The following TOP2A variants were observed in gnomAD, a reference collection of about 807,000 sequenced individuals.
The protein encoded by TOP2A is DNA topoisomerase II alpha, also known as DNA topoisomerase 2-alpha.
A neutral mutation model predicts 187.2 loss-of-function variants in TOP2A; 68 were observed. The observed-to-expected ratio is 0.36, with a 90% CI of 0.30 to 0.44. TOP2A has a LOEUF of 0.44. Among genes scored for constraint, TOP2A ranks in the 20% least tolerant of loss-of-function variants. TOP2A has a pLI of 1.00. For synonymous variants in TOP2A, 542 were observed against 593.2 expected, an observed-to-expected ratio of 0.91 and a Z score of 1.25; for missense variants, 1,196 against 1,808.7, an observed-to-expected ratio of 0.66 and a Z score of 6.14.
Position 40,389,589 on chromosome 17 carries a change from C to A in TOP2A, c.4526G>T (p.Arg1509Leu), listed in dbSNP as rs560441128. 11 of 1,605,858 alleles carry A rather than the reference C, an allele frequency of 6.8e-6. No individual in the cohort carries two copies. The Admixed American group carries it at 1.9e-4, about 27-fold the overall frequency. ...HMDFDSAVAP[R>L]AKSVRAKKPI... ...TTTCTTTGCCCGTACAGATTTTGCC[C>A]GAGGAGCCACAGCTGAGTCAAAGTC... Residue 1509 changes from arginine (R) to leucine (L), a missense_variant, in exon 35 of 35, where the codon CGG (arginine) becomes CTG (leucine). Physicochemically the swap from Arg to Leu is moderately radical, Grantham distance 102. Transcript: ENST00000423485.
intron 29 of TOP2A, among the ~76,000 whole-genome samples, chr17:40,394,065 CAAA>C (rs34089833): frequency 1.8e-4 from 20 of 108,588 alleles, no homozygotes; most frequent in Admixed American, 1.9e-4. Flanking sequence ...AACTCTGCCT[CAAA>C]AAAAAAAAAA....
Position 40,400,965 on chromosome 17 carries a change from A to G in TOP2A, c.2549T>C (p.Ile850Thr), listed in dbSNP as rs776743759. The G allele has an allele frequency of 5.0e-6, 8 of 1,613,978 alleles. No individual in the cohort carries two copies. The highest frequency in any genetic ancestry group is 5.9e-6 in the Non-Finnish European group (7 of 1,179,888). The change falls in exon 21 of 35, where the codon ATA becomes ACA. Residue 850 changes from isoleucine to threonine, a missense_variant. By Grantham distance (89) the Ile-to-Thr change is moderately conservative. Around this residue, in one of 10 missense-constraint regions of TOP2A, gnomAD observed 209 missense variants for 376.9 expected, o/e 0.55. Coordinates refer to ENST00000423485, the MANE Select transcript of TOP2A (RefSeq NM_001067.4). The stretch of plus-strand genomic sequence containing the variant: ...AGTACCGATTCCTTCAGCACCATTT[A>G]TCAGCACCATGGGAATAATAGGAAT... ...WYIPIIPMVL[I>T]NGAEGIGTGW...
intron 12 of TOP2A, 67 bp downstream of exon 12, chr17:40,407,900 T>G (rs1421022572): frequency 2.1e-6 from 3 of 1,457,342 alleles, no homozygotes; most frequent in Non-Finnish European, 2.8e-6. Flanking sequence ...ATGAGGGAAT[T>G]AAATATAAGC....
chr17:40,411,005 T>TG lies in TOP2A; in HGVS notation c.1203+103dup. 2.5e-6 allele frequency: 3 copies of TG among 1,211,182 alleles called. No individual in the cohort carries two copies. Among genetic ancestry groups the TG allele is most frequent in the Non-Finnish European group, 3.3e-6 (3 of 896,864 alleles). 75.0% of individuals were successfully genotyped at this position (1,211,182 alleles called of 1,614,324 possible). A position where few individuals can be genotyped will look rare whatever the true frequency, so the allele number is the denominator to read the frequency against. Reference sequence around the variant, plus strand: ...ACTTCCTTTTCAGATTGGGAAGACTTGGAGAAGCTCACTATGAGAAGAATC... The same window carrying TG: ...ACTTCCTTTTCAGATTGGGAAGACTTGGGAGAAGCTCACTATGAGAAGAATC... On this transcript the variant is annotated intron_variant, in intron 10 of 34. Transcript: ENST00000423485. The surrounding 1 kb of genome is among the most constrained non-coding windows in gnomAD (Gnocchi z 4.4).
At chr17:40,406,767 T>C (rs2035250992) in intron 14 of TOP2A, 65 bp downstream of exon 14, 1 of 1,569,962 alleles carries the variant, frequency 6.4e-7, no homozygotes, top group Non-Finnish European at 8.8e-7. Flanking sequence ...GGGGCTTATA[T>C]GTATATCCAG....
intron 27 of TOP2A, among the ~76,000 whole-genome samples, chr17:40,397,989 G>A (rs1218139732): frequency 6.6e-6 from 1 of 151,888 alleles, no homozygotes; most frequent in Non-Finnish European, 1.5e-5. Context: ...TGTTGGTCAG[G>A]CTGGTCTCGA....
chr17:40,395,590 G>A, intron 28 of TOP2A, 51 bp from the exon 29 acceptor site: 2 of 1,343,380 alleles, frequency 1.5e-6, no homozygotes, highest in South Asian at 2.5e-5. Context: ...CTGAACTATG[G>A]GATTAGAGAT....
In TOP2A at chr17:40,399,082, A is replaced by G. The variant is rs749241653; in HGVS notation, c.3246T>C (p.Tyr1082=). 11 of 1,586,916 alleles carry G rather than the reference A, an allele frequency of 6.9e-6. No individual in the cohort carries two copies. The highest frequency in any genetic ancestry group is 1.3e-5 in the African/African-American group (1 of 74,452). The change falls in exon 25 of 35, where the codon TAT becomes TAC. Residue 1082 remains tyrosine, a synonymous_variant. Coordinates refer to ENST00000423485, the MANE Select transcript of TOP2A (RefSeq NM_001067.4). The part of the protein sequence containing the change: ...ELIKVLIQRG[Y]DSDPVKAWKE... ...TCCAGGCCTTCACAGGATCCGAATC[A>G]TATCCCCTCTGAATCAGAACTTTAA...
At chr17:40,409,194 CAAAAAAAAAA>C (rs35266834) in intron 10 of TOP2A, 8 of 73,578 alleles carry the variant, frequency 1.1e-4, no homozygotes, top group Admixed American at 6.9e-4. Flanking sequence ...AACTCCGTCT[CAAAAAAAAAA>C]AAAAAAAAAA....
At chr17:40,404,097 A>G in intron 19 of TOP2A, 55 bp downstream of exon 19, 1 of 1,594,610 alleles carries the variant, frequency 6.3e-7, no homozygotes, top group Non-Finnish European at 8.5e-7. Flanking sequence ...TTTGAGAATG[A>G]CTCTGCAGGG....
chr17:40,407,766 C>A (rs2143668628), intron 12 of TOP2A, 92 bp from the exon 13 acceptor site: 1 of 1,322,886 alleles, frequency 7.6e-7, no homozygotes. Flanking sequence ...TTTTCTTGAG[C>A]TCCAGTATTT....
At chr17:40,413,036 CAT>C in intron 6 of TOP2A, 65 bp from the exon 7 acceptor site, 2 of 1,418,908 alleles carry the variant, frequency 1.4e-6, no homozygotes, top group Non-Finnish European at 1.9e-6. Context: ...AAGTAAATAA[CAT>C]AAATTTATGA....
chr17:40,389,724 A>T, intron 34 of TOP2A, 77 bp from the exon 35 acceptor site: 2 of 1,511,572 alleles, frequency 1.3e-6, no homozygotes, highest in Non-Finnish European at 8.9e-7. Flanking sequence ...ATGTATCAAG[A>T]CACTATATTC....
chr17:40,409,587 C>T (rs796953052), intron 10 of TOP2A: 21 of 357,600 alleles, frequency 5.9e-5, no homozygotes, highest in Middle Eastern at 7.8e-4. Context: ...GGTAAAACCC[C>T]ATCTCTATTA....
chr17:40,414,902 C>T (rs1017344453), intron 4 of TOP2A, among the ~76,000 whole-genome samples: 3 of 150,876 alleles, frequency 2.0e-5, no homozygotes, highest in African/African-American at 4.9e-5. Flanking sequence ...CATAAACTGC[C>T]TTGCTCTCAA....
Position 40,411,302 on chromosome 17 carries a change from C to G in TOP2A, c.1065+52G>C, listed in dbSNP as rs976896400. On this transcript the variant is annotated intron_variant, in intron 9 of 34. Transcript: ENST00000423485. This position sits in a 1 kb window ranked among gnomAD's most constrained non-coding sequence, Gnocchi z 4.4. ...AAATGTACTCATGCTTTATTTATAG[C>G]CTTTCTCTTCTTCCTTGACTTTAGA... is the stretch of plus-strand genomic sequence containing the variant. 1.6e-5 allele frequency: 25 copies of G among 1,612,242 alleles called. No individual in the cohort carries two copies. In the South Asian group the frequency reaches 1.9e-4, roughly 12 times the overall value.
rs1365110327 is a variant in TOP2A, at chr17:40,396,312, C to A, written c.3691G>T (p.Ala1231Ser). 10 of 1,603,982 alleles carry A rather than the reference C, an allele frequency of 6.2e-6. No individual in the cohort carries two copies. The highest frequency in any genetic ancestry group is 4.0e-5 in the African/African-American group (3 of 74,650). Residue 1231 changes from alanine (A) to serine (S), a missense_variant, in exon 28 of 35, where the codon GCA (alanine) becomes TCA (serine). By Grantham distance (99) the Ala-to-Ser change is moderately conservative. This residue lies in a region of TOP2A where 374 missense variants were observed against 403.3 expected (regional missense o/e 0.93). Transcript: ENST00000423485. ...PRITIEMKAE[A>S]EKKNKKKIKN... Reference sequence around the variant, plus strand: ...ATTTTCTTTTTATTTTTCTTTTCTGCCTCTGCTTTCATTTCTATGGTTATT... The same window carrying A: ...ATTTTCTTTTTATTTTTCTTTTCTGACTCTGCTTTCATTTCTATGGTTATT...
In TOP2A at chr17:40,413,537, T is replaced by C. The variant is rs2035350782; in HGVS notation, c.421A>G (p.Ile141Val). ...CTAGAAGTTAGGAGCTGTCCAAATA[T>C]GAGAGCTGGGACATACATCTTTTCA... ...KVEKMYVPAL[I>V]FGQLLTSSNY... Residue 141 changes from isoleucine to valine, a missense_variant, in exon 5 of 35, where the codon ATA (isoleucine) becomes GTA (valine). By Grantham distance (29) the Ile-to-Val change is conservative. Transcript: ENST00000423485. 2.6e-6 allele frequency: 4 copies of C among 1,543,212 alleles called. No homozygotes were observed. The highest frequency in any genetic ancestry group is 3.5e-6 in the Non-Finnish European group (4 of 1,142,010).
rs1359614443 is a variant in TOP2A, at chr17:40,391,644, T to C, written c.4133-4A>G. 2 of 1,574,846 alleles carry C rather than the reference T, an allele frequency of 1.3e-6. No individual in the cohort carries two copies. Among genetic ancestry groups the C allele is most frequent in the African/African-American group, 1.4e-5 (1 of 73,126 alleles). ...TTAACATCATCAGCTTCAAGGTCTA[T>C]TATTTCAAATGGAAAGGAAAATAGT... On this transcript the variant is annotated splice_region_variant and splice_polypyrimidine_tract_variant and intron_variant, in intron 32 of 34. Coordinates refer to ENST00000423485, the MANE Select transcript of TOP2A (RefSeq NM_001067.4).
Sources: gnomAD v4.1 joint callset for allele counts (sites outside exome capture counted in the v4.1 genomes callset) on GRCh38, gnomAD v4.1.1 for gene constraint, gnomAD v4.1.1 regional missense constraint, Gnocchi (gnomAD v3.1) non-coding constraint, MANE v1.5 for transcripts, NCBI Gene and HGNC (gene_info 2026-07-23, HGNC 2026-07-21) for gene names.